The following DGCR2 variants were observed in gnomAD, a reference collection of about 807,000 sequenced individuals.
The protein encoded by DGCR2 is integral membrane protein DGCR2/IDD.
DGCR2 carries 24 observed loss-of-function variants against 51.6 expected under a neutral mutation model. That is an observed-to-expected ratio of 0.47 (90% CI 0.34 to 0.65). DGCR2 has a LOEUF of 0.65. Ranked by LOEUF, DGCR2 falls within the 30% of genes least tolerant of loss-of-function variation. DGCR2 has a pLI of 0.01. For synonymous variants in DGCR2, 340 were observed against 315.4 expected, an observed-to-expected ratio of 1.08 and a Z score of -0.82; for missense variants, 765 against 772.1, an observed-to-expected ratio of 0.99 and a Z score of 0.11.
At chr22:19,050,745 C>T (rs1398575075) in intron 6 of DGCR2, among the ~76,000 whole-genome samples, 2 of 152,216 alleles carry the variant, frequency 1.3e-5, no homozygotes, top group Admixed American at 1.3e-4. Flanking sequence ...TAAAGAACTT[C>T]ACCTAAGTCT....
chr22:19,076,765 C>CT, intron 2 of DGCR2, among the ~76,000 whole-genome samples: 1 of 117,498 alleles, frequency 8.5e-6, no homozygotes, highest in Admixed American at 1.1e-4. Context: ...GAGTCTCGCT[C>CT]TCTCTCCCAG....
intron 2 of DGCR2, among the ~76,000 whole-genome samples, chr22:19,084,538 GA>G (rs1398478332): frequency 2.2e-5 from 3 of 137,570 alleles, no homozygotes; most frequent in Non-Finnish European, 3.1e-5. Flanking sequence ...CGCCCCGTCT[GA>G]GAAGTGAGGA....
chr22:19,056,563 A>ACC, intron 6 of DGCR2: 1 of 359,778 alleles, frequency 2.8e-6, no homozygotes, highest in African/African-American at 2.9e-5. Flanking sequence ...ATAAAAAAAA[A>ACC]AAAACACACA....
intron 1 of DGCR2, among the ~76,000 whole-genome samples, chr22:19,093,168 C>T (rs974822174): frequency 6.6e-6 from 1 of 152,092 alleles, no homozygotes; most frequent in Non-Finnish European, 1.5e-5. Context: ...CCGAACCAGC[C>T]TGACCAACAA....
At chr22:19,086,917 T>C (rs1361088616) in intron 2 of DGCR2, among the ~76,000 whole-genome samples, 2 of 152,220 alleles carry the variant, frequency 1.3e-5, no homozygotes, top group Non-Finnish European at 2.9e-5. Context: ...TGAGTGTGGA[T>C]ACCACTATGT....
At chr22:19,092,138 G>C (rs1236036475) in intron 1 of DGCR2, among the ~76,000 whole-genome samples, 5 of 152,046 alleles carry the variant, frequency 3.3e-5, no homozygotes, top group Non-Finnish European at 7.3e-5. Flanking sequence ...CTGAGGTCAG[G>C]AGTTCGAGAC....
chr22:19,107,139 T>G (rs954817460), intron 1 of DGCR2, among the ~76,000 whole-genome samples: 3 of 151,888 alleles, frequency 2.0e-5, no homozygotes, highest in Admixed American at 2.0e-4. Context: ...CCCAAACACA[T>G]AACCACCAAA....
At chr22:19,066,186 G>C (rs1162125761) in intron 3 of DGCR2, among the ~76,000 whole-genome samples, 1 of 152,184 alleles carries the variant, frequency 6.6e-6, no homozygotes, top group Non-Finnish European at 1.5e-5. Context: ...GATTGCTTGA[G>C]CTCAGGAGCT....
Position 19,073,843 on chromosome 22 carries a change from A to C in DGCR2, c.203-5618T>G, listed in dbSNP as rs111680716. ...CGACTAAAATGAAGGAATAAAACAA[A>C]ACAGGAAAGATATAAAAACCAAACA... is the stretch of plus-strand genomic sequence containing the variant. On this transcript the variant is annotated intron_variant, in intron 2 of 9. Transcript: ENST00000263196. Among the ~76,000 whole-genome samples, 1,077 of 152,300 alleles carry C rather than the reference A, an allele frequency of 7.1e-3. 11 individuals are homozygous for C. The highest frequency in any genetic ancestry group is 0.011 in the Non-Finnish European group (769 of 68,018).
chr22:19,063,741 G>C (rs970150380), intron 4 of DGCR2, among the ~76,000 whole-genome samples: 1 of 152,018 alleles, frequency 6.6e-6, no homozygotes, highest in Non-Finnish European at 1.5e-5. Flanking sequence ...TTTTATCTCA[G>C]GGAACTCTTG....
intron 1 of DGCR2, among the ~76,000 whole-genome samples, chr22:19,103,956 A>G (rs1194485811): frequency 6.6e-6 from 1 of 152,076 alleles, no homozygotes; most frequent in African/African-American, 2.4e-5. Flanking sequence ...CAGGAGTTCA[A>G]GGTTACAGTG....
chr22:19,054,828 C>A (rs2082584551), intron 6 of DGCR2, among the ~76,000 whole-genome samples: 1 of 151,854 alleles, frequency 6.6e-6, no homozygotes, highest in African/African-American at 2.4e-5. Flanking sequence ...TCAGGCCAGG[C>A]ACGGTGGCTC....
chr22:19,045,081 A>G (rs538869055), intron 7 of DGCR2, among the ~76,000 whole-genome samples: 1 of 152,304 alleles, frequency 6.6e-6, no homozygotes, highest in African/African-American at 2.4e-5. Context: ...GAAGCTTTAT[A>G]ATTCAAGGTT....
At chr22:19,119,060 G>A (rs2083403364) in intron 1 of DGCR2, among the ~76,000 whole-genome samples, 1 of 152,188 alleles carries the variant, frequency 6.6e-6, no homozygotes, top group African/African-American at 2.4e-5. Flanking sequence ...CCCTCAGACT[G>A]GAGTATCCAC....
At chr22:19,118,910 CCCA>C (rs1233077091) in intron 1 of DGCR2, among the ~76,000 whole-genome samples, 1 of 152,212 alleles carries the variant, frequency 6.6e-6, no homozygotes. Context: ...CCCAAATCCC[CCCA>C]CCATCTCGCT....
chr22:19,072,952 T>C (rs940377828), intron 2 of DGCR2, among the ~76,000 whole-genome samples: 3 of 151,550 alleles, frequency 2.0e-5, no homozygotes, highest in African/African-American at 7.3e-5. Flanking sequence ...CCTCTGAAAA[T>C]GATCTTGTAC....
intron 7 of DGCR2, chr22:19,048,212 C>T: frequency 1.7e-6 from 1 of 585,946 alleles, no homozygotes; most frequent in Non-Finnish European, 3.0e-6. Context: ...TGAATGCTGC[C>T]TGTCACCCCA....
intron 4 of DGCR2, among the ~76,000 whole-genome samples, chr22:19,064,598 G>C (rs991456081): frequency 6.6e-6 from 1 of 152,140 alleles, no homozygotes; most frequent in Non-Finnish European, 1.5e-5. Flanking sequence ...GGGTACCAAT[G>C]AAAGGGGCTG....
intron 5 of DGCR2, among the ~76,000 whole-genome samples, chr22:19,062,775 G>GCATTCTCTCTCTCTCT (rs1555903875): frequency 9.2e-6 from 1 of 108,860 alleles, no homozygotes; most frequent in Non-Finnish European, 1.9e-5. Flanking sequence ...ACACATGCAT[G>GCATTCTCTCTCTCTCT]CTCACTCTCT....
Sources: gnomAD v4.1 joint callset for allele counts (sites outside exome capture counted in the v4.1 genomes callset) on GRCh38, gnomAD v4.1.1 for gene constraint, MANE v1.5 for transcripts, NCBI Gene and HGNC (gene_info 2026-07-23, HGNC 2026-07-21) for gene names.